CHDH: variants seen among roughly 807,000 people sequenced by gnomAD.
CHDH encodes choline dehydrogenase, mitochondrial.
Under a neutral mutation model 56.9 loss-of-function variants are expected in CHDH, and 43 were observed. That is an observed-to-expected ratio of 0.76 (90% CI 0.59 to 0.97). The LOEUF (loss-of-function observed/expected upper bound fraction) is 0.97. Among genes scored for constraint, CHDH ranks in the 50% least tolerant of loss-of-function variants. CHDH has a pLI of 0.00. For synonymous variants in CHDH, 364 were observed against 348.5 expected (o/e 1.04, Z -0.50); for missense variants, 816 against 821.1 (o/e 0.99, Z 0.08).
chr3:53,822,806 C>T (rs570184585), intron 3 of CHDH, among the ~76,000 whole-genome samples, 164 bp from the exon 4 acceptor site: 3 of 152,332 alleles, frequency 2.0e-5, no homozygotes, highest in East Asian at 1.9e-4. Context: ...CCCTGCCCTA[C>T]TGAGTCCACA....
At chr3:53,832,463 C>T (rs1056394377) in intron 2 of CHDH, among the ~76,000 whole-genome samples, 8 of 151,644 alleles carry the variant, frequency 5.3e-5, no homozygotes, top group Admixed American at 3.9e-4. Context: ...ACCCAGGAGG[C>T]GGAGCTTGCA....
At chr3:53,826,263 T>C (rs960863419) in intron 2 of CHDH, among the ~76,000 whole-genome samples, 53 of 152,062 alleles carry the variant, frequency 3.5e-4, no homozygotes, top group Non-Finnish European at 1.0e-4. Flanking sequence ...TCCTGACTCA[T>C]TCTGTGAGGC....
intron 2 of CHDH, among the ~76,000 whole-genome samples, chr3:53,836,561 A>C (rs879393496): frequency 4.6e-5 from 7 of 152,194 alleles, no homozygotes; most frequent in Non-Finnish European, 8.8e-5. Flanking sequence ...TGTGCCACTT[A>C]CTGGGACCTC....
chr3:53,821,978 C>G (rs1341512648), intron 4 of CHDH, among the ~76,000 whole-genome samples: 2 of 152,156 alleles, frequency 1.3e-5, no homozygotes, highest in Admixed American at 1.3e-4. Context: ...GCAACTACAG[C>G]TGGACAGTAG....
In CHDH at chr3:53,816,463, CCA is replaced by C. The variant is rs1255888500; in HGVS notation, c.*1312_*1313del. 1 of 152,158 alleles carries C rather than the reference CCA, an allele frequency of 6.6e-6. No individual in the cohort carries two copies. Among genetic ancestry groups the C allele is most frequent in the African/African-American group, 2.4e-5 (1 of 41,426 alleles). 9.4% of individuals were successfully genotyped at this position (152,158 alleles called of 1,614,324 possible). On this transcript the variant is annotated 3_prime_UTR_variant, in exon 9 of 9. Coordinates refer to ENST00000315251, the MANE Select transcript of CHDH (RefSeq NM_018397.5). ...CTTGTATTTTTTTTCCTCCAAAACTCCAGTCTTGAATTTATTTTTCTTTCACA... is the reference window on the plus strand; with the variant it reads ...CTTGTATTTTTTTTCCTCCAAAACTCGTCTTGAATTTATTTTTCTTTCACA...
Position 53,846,202 on chromosome 3 carries a change from T to C in CHDH, c.-250A>G, listed in dbSNP as rs1337202548. The C allele has an allele frequency of 5.4e-6, 1 of 185,218 alleles. No homozygotes were observed. Among genetic ancestry groups the C allele is most frequent in the Non-Finnish European group, 1.1e-5 (1 of 90,156 alleles). The allele number at this position is 185,218 out of a possible 1,614,324, so 11.5% of individuals were successfully genotyped here. A position where few individuals can be genotyped will look rare whatever the true frequency, so the allele number is the denominator to read the frequency against. ...CGGCGCCGGCGCCCCGCGCGCTCTC[T>C]GCGTCCGGAATGGGGACGCAGCAGT... On this transcript the variant is annotated 5_prime_UTR_variant, in exon 1 of 9. Transcript: ENST00000315251.
intron 2 of CHDH, among the ~76,000 whole-genome samples, chr3:53,837,741 G>A (rs1274991570): frequency 6.6e-6 from 1 of 152,078 alleles, no homozygotes; most frequent in South Asian, 2.1e-4. Flanking sequence ...CTTCACGGTG[G>A]TCTATACCAA....
chr3:53,828,710 C>T (rs1698235170), intron 2 of CHDH, among the ~76,000 whole-genome samples: 2 of 152,168 alleles, frequency 1.3e-5, no homozygotes, highest in Non-Finnish European at 1.5e-5. Flanking sequence ...CTACTATACA[C>T]ATATTAGAAT....
rs546795532 is a variant in CHDH, at chr3:53,819,195, G to T, written c.1264-155C>A. Among the ~76,000 whole-genome samples, 2 of 152,140 alleles carry T rather than the reference G, an allele frequency of 1.3e-5. No homozygotes were observed. The highest frequency in any genetic ancestry group is 2.9e-5 in the Non-Finnish European group (2 of 68,028). ...TTGCCCGCATGGTACCCACCTCCAC[G>T]AGTGATTACAGACCACCTCAAGGAA... is the stretch of plus-strand genomic sequence containing the variant. On this transcript the variant is annotated intron_variant, in intron 7 of 8. Coordinates refer to ENST00000315251, the MANE Select transcript of CHDH (RefSeq NM_018397.5). The surrounding 1 kb of genome is among the most constrained non-coding windows in gnomAD (Gnocchi z 5.4).
In CHDH at chr3:53,820,624, G is replaced by A. The variant is rs748434840; in HGVS notation, c.986-16C>T. Reference sequence around the variant, plus strand: ...TGGCCAACCCCTGATACGGGAAGGAGTGGTTTAGAAAATGGCTACCAAGGG... The same window carrying A: ...TGGCCAACCCCTGATACGGGAAGGAATGGTTTAGAAAATGGCTACCAAGGG... On this transcript the variant is annotated splice_polypyrimidine_tract_variant and intron_variant, in intron 5 of 8. Transcript: ENST00000315251. The A allele has an allele frequency of 6.2e-7, 1 of 1,604,334 alleles. No homozygotes were observed. The highest frequency in any genetic ancestry group is 8.5e-7 in the Non-Finnish European group (1 of 1,175,846).
intron 2 of CHDH, among the ~76,000 whole-genome samples, chr3:53,835,926 A>G (rs1698480999): frequency 6.6e-6 from 1 of 152,114 alleles, no homozygotes; most frequent in Non-Finnish European, 1.5e-5. Flanking sequence ...GACCCCCTCC[A>G]CCACAGGCCC....
intron 2 of CHDH, among the ~76,000 whole-genome samples, chr3:53,833,812 A>G (rs1300678827): frequency 6.6e-6 from 1 of 152,074 alleles, no homozygotes; most frequent in Non-Finnish European, 1.5e-5. Context: ...GGAAGAACAG[A>G]CTTTTGCCTG....
At chr3:53,821,508 C>T (rs376745403) in intron 5 of CHDH, 139 bp downstream of exon 5, 33 of 737,270 alleles carry the variant, frequency 4.5e-5, no homozygotes, top group South Asian at 2.6e-4. Context: ...GGGAAACCTT[C>T]GGGCTCTCGG....
At position 53,817,825 on chromosome 3, in the gene CHDH, GT is replaced by G. The variant is rs2095618446; in HGVS notation, c.1736del (p.Asp579AlafsTer24). The G allele has an allele frequency of 6.2e-7, 1 of 1,613,668 alleles. No homozygotes were observed. The highest frequency in any genetic ancestry group is 8.5e-7 in the Non-Finnish European group (1 of 1,179,842). Reference protein sequence around the residue: ...DIIKGQPALWDKDVPVYKPRT... With the variant: ...DIIKGQPALWXKDVPVYKPRT... ...TGGGCTTGTAGACAGGGACATCTTT[GT>G]CCCAGAGTGCAGGCTGCCCCTTGAT... On this transcript the variant is annotated frameshift_variant, in exon 9 of 9. Transcript: ENST00000315251. LOFTEE classifies it high-confidence loss of function.
chr3:53,844,002 G>C (rs1267172143), intron 1 of CHDH, among the ~76,000 whole-genome samples: 4 of 152,170 alleles, frequency 2.6e-5, no homozygotes, highest in Admixed American at 6.5e-5. Flanking sequence ...TCTGAGCTAG[G>C]GGGGAAAACC....
rs60594351 is a variant in CHDH, at chr3:53,828,162, GACACACACACAC to G, written c.-59-4107_-59-4096del. Among the ~76,000 whole-genome samples, 12 of 145,250 alleles carry G rather than the reference GACACACACACAC, an allele frequency of 8.3e-5. No homozygotes were observed. In the South Asian group the frequency reaches 2.0e-3, roughly 24 times the overall value. ...TCAACAAAGGGAGCTGGAATAACTA[GACACACACACAC>G]ACACACACACACACACACACACACA... On this transcript the variant is annotated intron_variant, in intron 2 of 8. Transcript: ENST00000315251.
chr3:53,818,026 G>T lies in CHDH; in HGVS notation c.1536C>A (p.Pro512=), dbSNP rs34336629. The change falls in exon 9 of 9, where the codon CCC becomes CCA. Residue 512 remains proline, a synonymous_variant. Transcript: ENST00000315251. The stretch of plus-strand genomic sequence containing the variant: ...GCTGGCCCATCTTACAGGTGCACGA[G>T]GGGTGGTAGGCGCTGTCGGCTTTTG... ...VRAKADSAYH[P]SCTCKMGQPS... The T allele has an allele frequency of 6.2e-7, 1 of 1,614,238 alleles. No individual in the cohort carries two copies. The highest frequency in any genetic ancestry group is 1.3e-5 in the African/African-American group (1 of 75,080).
intron 2 of CHDH, among the ~76,000 whole-genome samples, chr3:53,826,803 A>G (rs1361386540): frequency 1.3e-5 from 2 of 152,250 alleles, no homozygotes; most frequent in Admixed American, 1.3e-4. Context: ...GGAAGAAATG[A>G]AACTTCGTTT....
At position 53,815,768 on chromosome 3, in the gene CHDH, A is replaced by G. The variant is rs1576770319; in HGVS notation, c.*2009T>C. 2 of 152,248 alleles carry G rather than the reference A, an allele frequency of 1.3e-5. No individual in the cohort carries two copies. Among genetic ancestry groups the G allele is most frequent in the Non-Finnish European group, 2.9e-5 (2 of 68,076 alleles). 9.4% of individuals were successfully genotyped at this position (152,248 alleles called of 1,614,324 possible). A position where few individuals can be genotyped will look rare whatever the true frequency, so the allele number is the denominator to read the frequency against. ...GGGTCAGCACAGTCATGGTTGGTCC[A>G]GGACTATCCCCTGCCCCTGAATCCA... On this transcript the variant is annotated 3_prime_UTR_variant, in exon 9 of 9. Transcript: ENST00000315251.
Sources: gnomAD v4.1 joint callset for allele counts (sites outside exome capture counted in the v4.1 genomes callset) on GRCh38, gnomAD v4.1.1 for gene constraint, Gnocchi (gnomAD v3.1) non-coding constraint, MANE v1.5 for transcripts, NCBI Gene and HGNC (gene_info 2026-07-23, HGNC 2026-07-21) for gene names.